The following TMEM39A variants were observed in gnomAD, a reference collection of about 807,000 sequenced individuals.
TMEM39A encodes suppressor of SQST-1 aggregates in rpl-43 mutants.
In TMEM39A, 19 loss-of-function variants were observed where a neutral mutation model predicts 51.9. That is an observed-to-expected ratio of 0.37 (90% CI 0.26 to 0.54). The LOEUF (loss-of-function observed/expected upper bound fraction) is 0.54. Ranked by LOEUF, TMEM39A falls within the 20% of genes least tolerant of loss-of-function variation. The pLI, the probability that TMEM39A is intolerant of heterozygous loss-of-function variation, is 0.88. For synonymous variants in TMEM39A, 197 were observed against 220.2 expected (o/e 0.89, Z 0.93); for missense variants, 433 against 590.5 (o/e 0.73, Z 2.76).
chr3:119,438,606 C>T (rs2081008147), intron 5 of TMEM39A, among the ~76,000 whole-genome samples: 1 of 152,114 alleles, frequency 6.6e-6, no homozygotes, highest in Non-Finnish European at 1.5e-5. Flanking sequence ...CAATAGTATT[C>T]TCATATAGAA....
chr3:119,462,463 G>C (rs1370245704), intron 1 of TMEM39A, among the ~76,000 whole-genome samples: 1 of 152,026 alleles, frequency 6.6e-6, no homozygotes, highest in Admixed American at 6.5e-5. Context: ...TACATTTCCA[G>C]CTCAATGTTT....
intron 3 of TMEM39A, among the ~76,000 whole-genome samples, chr3:119,455,945 T>C (rs546772606): frequency 3.3e-5 from 5 of 152,342 alleles, no homozygotes; most frequent in Non-Finnish European, 5.9e-5. Context: ...TGCCGCTATG[T>C]GATTTTTGAA....
intron 7 of TMEM39A, 178 bp downstream of exon 7, chr3:119,436,613 T>C: frequency 1.6e-6 from 1 of 610,704 alleles, no homozygotes; most frequent in East Asian, 2.8e-5. Flanking sequence ...GCTGGGGTGG[T>C]GGTGGAAATG....
In TMEM39A at chr3:119,462,045, C is replaced by A. The variant is rs2081345936; in HGVS notation, c.30G>T (p.Arg10=). The change falls in exon 2 of 9, where the codon CGG becomes CGT. Residue 10 remains arginine (R), a synonymous_variant. Coordinates refer to ENST00000319172, the MANE Select transcript of TMEM39A (RefSeq NM_018266.3). ...GTAAAGCTGAACGGCTTAGCTGTTG[C>A]CGACTAGGGCCCCTCCTTCCACCGG... MPGGRRGPS[R]QQLSRSALPS... 2 of 1,614,016 alleles carry A rather than the reference C, an allele frequency of 1.2e-6. No homozygotes were observed. The highest frequency in any genetic ancestry group is 1.7e-6 in the Non-Finnish European group (2 of 1,180,002).
rs1212146182 is a variant in TMEM39A at position 119,463,474 on chromosome 3, T to C, written c.-213A>G. The C allele has an allele frequency of 2.8e-5, 11 of 397,838 alleles. No individual in the cohort carries two copies. Among genetic ancestry groups the C allele is most frequent in the Non-Finnish European group, 4.0e-5 (9 of 225,878 alleles). The allele number at this position is 397,838 out of a possible 1,614,324, so 24.6% of individuals were successfully genotyped here. The stretch of plus-strand genomic sequence containing the variant: ...TGCTTGGACGCAGGCAGCCCCCGCC[T>C]AGAGAATCAAGAAAAGGTGTCCAGG... On this transcript the variant is annotated 5_prime_UTR_variant, in exon 1 of 9. The change abolishes the stop of an existing upstream ORF in the 5' untranslated region. Transcript: ENST00000319172.
chr3:119,442,436 T>C (rs367970571), intron 5 of TMEM39A, among the ~76,000 whole-genome samples: 36 of 152,160 alleles, frequency 2.4e-4, no homozygotes, highest in African/African-American at 8.2e-4. Flanking sequence ...CCTGTTAAGA[T>C]AGCATCCATT....
chr3:119,436,608 G>T, intron 7 of TMEM39A, 183 bp downstream of exon 7: 1 of 600,004 alleles, frequency 1.7e-6, no homozygotes, highest in Non-Finnish European at 2.9e-6. Context: ...AAGGAGCTGG[G>T]GTGGTGGTGG....
chr3:119,432,339 CTGTT>C, intron 8 of TMEM39A, 125 bp from the exon 9 acceptor site: 1 of 621,928 alleles, frequency 1.6e-6, no homozygotes, highest in East Asian at 2.9e-5. Flanking sequence ...ATAAATAGAT[CTGTT>C]TATTTAATAT....
At chr3:119,444,377 T>C (rs1359837352) in intron 5 of TMEM39A, among the ~76,000 whole-genome samples, 2 of 152,220 alleles carry the variant, frequency 1.3e-5, no homozygotes, top group Admixed American at 6.5e-5. Context: ...ATGTAAAATA[T>C]ATTCCTCATA....
rs2080911520 is a variant in TMEM39A at position 119,432,300 on chromosome 3, T to C, written c.1234-86A>G. The stretch of plus-strand genomic sequence containing the variant: ...CTTGCATTGATTTTTCTAAAATAAT[T>C]TAACATTTACAGGTTCCCATATATA... On this transcript the variant is annotated intron_variant, in intron 8 of 8. Transcript: ENST00000319172. The C allele has an allele frequency of 3.1e-6, 3 of 964,414 alleles. No homozygotes were observed. The South Asian group carries it at 5.4e-5, about 17-fold the overall frequency. 59.7% of individuals were successfully genotyped at this position (964,414 alleles called of 1,614,324 possible). A position where few individuals can be genotyped will look rare whatever the true frequency, so the allele number is the denominator to read the frequency against.
intron 5 of TMEM39A, among the ~76,000 whole-genome samples, chr3:119,442,576 T>C (rs918818662): frequency 3.3e-5 from 5 of 152,182 alleles, no homozygotes; most frequent in African/African-American, 4.8e-5. Context: ...CTGAAAACCA[T>C]CTGGAAACAA....
rs1214735022 is a variant in TMEM39A at position 119,451,353 on chromosome 3, T to C, written c.420+1094A>G. 5.0e-6 allele frequency: 6 copies of C among 1,191,064 alleles called. No individual in the cohort carries two copies. The South Asian group carries it at 7.7e-5, about 15-fold the overall frequency. 73.8% of individuals were successfully genotyped at this position (1,191,064 alleles called of 1,614,324 possible). A position where few individuals can be genotyped will look rare whatever the true frequency, so the allele number is the denominator to read the frequency against. On this transcript the variant is annotated intron_variant, in intron 4 of 8. Coordinates refer to ENST00000319172, the MANE Select transcript of TMEM39A (RefSeq NM_018266.3). Reference sequence around the variant, plus strand: ...TGTTTTGGGAAAAAGAAGTTGACTCTCAATTATTTGTGATTATAGTAACTA... The same window carrying C: ...TGTTTTGGGAAAAAGAAGTTGACTCCCAATTATTTGTGATTATAGTAACTA...
chr3:119,459,708 T>A (rs542562213), intron 2 of TMEM39A, among the ~76,000 whole-genome samples: 1 of 152,162 alleles, frequency 6.6e-6, no homozygotes, highest in Non-Finnish European at 1.5e-5. Flanking sequence ...ACTAGCTCCT[T>A]GACATTCTAG....
Position 119,438,879 on chromosome 3 carries a change from G to A in TMEM39A, c.576-776C>T, listed in dbSNP as rs190764812. Among the ~76,000 whole-genome samples the A allele has an allele frequency of 1.6e-4, 24 of 152,052 alleles. No homozygotes were observed. The East Asian group carries it at 3.9e-3, about 24-fold the overall frequency. On this transcript the variant is annotated intron_variant, in intron 5 of 8. Transcript: ENST00000319172. ...TCCACAGATCTTACCATGTTTATTC[G>A]ATTTTTAACTTTGGGGGTAGTTTTG...
chr3:119,450,990 T>G (rs978805925), intron 4 of TMEM39A, among the ~76,000 whole-genome samples: 1 of 152,196 alleles, frequency 6.6e-6, no homozygotes, highest in African/African-American at 2.4e-5. Flanking sequence ...TAATTGGACA[T>G]GTACAAGTAG....
intron 2 of TMEM39A, among the ~76,000 whole-genome samples, chr3:119,460,451 GCTTT>G (rs1393085006): frequency 7.9e-5 from 12 of 152,026 alleles, no homozygotes; most frequent in Non-Finnish European, 1.5e-4. Context: ...ATAGCAGAAC[GCTTT>G]ATTTTCCTTT....
At chr3:119,435,429 TCACA>T in intron 7 of TMEM39A, 1 of 981,126 alleles carries the variant, frequency 1.0e-6, no homozygotes, top group Non-Finnish European at 1.2e-6. Context: ...GCGATACATC[TCACA>T]CACACACACA....
At chr3:119,437,663 G>A in intron 6 of TMEM39A, 92 bp downstream of exon 6, 2 of 1,072,372 alleles carry the variant, frequency 1.9e-6, no homozygotes, top group African/African-American at 3.2e-5. Context: ...CCAAAGGGGA[G>A]ACAGAGAAAA....
chr3:119,449,295 C>T (rs1436271150), intron 4 of TMEM39A, among the ~76,000 whole-genome samples: 2 of 152,044 alleles, frequency 1.3e-5, no homozygotes, highest in Non-Finnish European at 2.9e-5. Flanking sequence ...GGTCTTTGGC[C>T]GGGTGCAATG....
Sources: gnomAD v4.1 joint callset for allele counts (sites outside exome capture counted in the v4.1 genomes callset) on GRCh38, gnomAD v4.1.1 for gene constraint, MANE v1.5 for transcripts, NCBI Gene and HGNC (gene_info 2026-07-23, HGNC 2026-07-21) for gene names.